SERINC5: variants seen among roughly 807,000 people sequenced by gnomAD.
The protein encoded by SERINC5 is chromosome 5 open reading frame 12.
In SERINC5, 41 loss-of-function variants were observed where a neutral mutation model predicts 63.1. The observed-to-expected ratio is 0.65, with a 90% CI of 0.51 to 0.84. The LOEUF (loss-of-function observed/expected upper bound fraction) is 0.84. Among genes scored for constraint, SERINC5 ranks in the 40% least tolerant of loss-of-function variants. The pLI, the probability that SERINC5 is intolerant of heterozygous loss-of-function variation, is 0.00. For synonymous variants in SERINC5, 222 were observed against 215.2 expected, an observed-to-expected ratio of 1.03 and a Z score of -0.28; for missense variants, 523 against 573.0, an observed-to-expected ratio of 0.91 and a Z score of 0.89.
At chr5:80,200,059 G>A (rs1009483426) in intron 2 of SERINC5, among the ~76,000 whole-genome samples, 7 of 152,232 alleles carry the variant, frequency 4.6e-5, no homozygotes, top group Non-Finnish European at 1.0e-4. Flanking sequence ...TCAGAAGGCT[G>A]AGGCAGGAGG....
intron 6 of SERINC5, among the ~76,000 whole-genome samples, chr5:80,168,074 C>T (rs540496851): frequency 1.2e-3 from 189 of 152,212 alleles, no homozygotes; most frequent in African/African-American, 4.3e-3. Flanking sequence ...AGATTTTAAT[C>T]GGAATATCAA....
rs892280203 is a variant in SERINC5 at position 80,256,041 on chromosome 5, C to T, written c.-119G>A. On this transcript the variant is annotated 5_prime_UTR_variant, in exon 1 of 12. Coordinates refer to ENST00000507668, the MANE Select transcript of SERINC5 (RefSeq NM_001174072.3). ...AGCTCACACTTGAACGAAGATCAGC[C>T]TCGGCGAAGCGCCTAGGCGCCGAGG... 9.0e-7 allele frequency: 1 copy of T among 1,107,984 alleles called. No individual in the cohort carries two copies. Among genetic ancestry groups the T allele is most frequent in the Non-Finnish European group, 1.2e-6 (1 of 826,948 alleles). 68.6% of individuals were successfully genotyped at this position (1,107,984 alleles called of 1,614,324 possible). A position where few individuals can be genotyped will look rare whatever the true frequency, so the allele number is the denominator to read the frequency against.
chr5:80,165,254 A>G (rs1471885721), intron 7 of SERINC5, among the ~76,000 whole-genome samples: 2 of 152,166 alleles, frequency 1.3e-5, no homozygotes, highest in Admixed American at 1.3e-4. Flanking sequence ...CTCCACTTAC[A>G]TTACTTTCCA....
At chr5:80,147,217 G>C in intron 10 of SERINC5, 28 bp downstream of exon 10, 1 of 1,582,598 alleles carries the variant, frequency 6.3e-7, no homozygotes, top group Non-Finnish European at 8.6e-7. Flanking sequence ...TGCCACACAG[G>C]TGCAAAGAAT....
At chr5:80,255,386 T>C (rs1418054695) in intron 1 of SERINC5, among the ~76,000 whole-genome samples, 2 of 151,972 alleles carry the variant, frequency 1.3e-5, no homozygotes, top group Admixed American at 6.6e-5. Flanking sequence ...AAGTCAGGCT[T>C]CGAGACATTC....
At chr5:80,169,041 A>G (rs1747480251) in intron 6 of SERINC5, among the ~76,000 whole-genome samples, 1 of 152,224 alleles carries the variant, frequency 6.6e-6, no homozygotes, top group Non-Finnish European at 1.5e-5. Flanking sequence ...CACGGAAGGC[A>G]TTTCCCATTT....
intron 2 of SERINC5, among the ~76,000 whole-genome samples, chr5:80,186,131 A>G (rs1314201092): frequency 4.0e-5 from 4 of 100,606 alleles, no homozygotes; most frequent in East Asian, 7.8e-4. Flanking sequence ...GTTTTGAAAA[A>G]AAAAAAAAAA....
intron 1 of SERINC5, among the ~76,000 whole-genome samples, chr5:80,249,290 G>A (rs1752295970): frequency 6.7e-6 from 1 of 149,590 alleles, no homozygotes; most frequent in Non-Finnish European, 1.5e-5. Flanking sequence ...ACTCCAGCCT[G>A]GGCAACACAG....
chr5:80,161,448 G>A (rs746658133), intron 7 of SERINC5, among the ~76,000 whole-genome samples: 10 of 152,012 alleles, frequency 6.6e-5, no homozygotes, highest in Non-Finnish European at 1.3e-4. Context: ...CTGATGATTA[G>A]CAATGTTGAG....
At chr5:80,163,397 AC>A in intron 7 of SERINC5, among the ~76,000 whole-genome samples, 1 of 152,106 alleles carries the variant, frequency 6.6e-6, no homozygotes, top group African/African-American at 2.4e-5. Flanking sequence ...GAAGGCAGGC[AC>A]CCTTATCTTG....
intron 11 of SERINC5, chr5:80,113,755 A>G (rs185788372): frequency 6.4e-6 from 1 of 155,658 alleles, no homozygotes; most frequent in African/African-American, 2.5e-5. Context: ...CCATGATTCA[A>G]TTACCTCACC....
At chr5:80,196,872 G>A (rs569256265) in intron 2 of SERINC5, among the ~76,000 whole-genome samples, 12 of 150,186 alleles carry the variant, frequency 8.0e-5, no homozygotes, top group Admixed American at 4.0e-4. Context: ...CCTGGGAGGC[G>A]GGGGTTGCTG....
intron 1 of SERINC5, among the ~76,000 whole-genome samples, chr5:80,244,725 G>C (rs1580216931): frequency 6.6e-6 from 1 of 152,102 alleles, no homozygotes; most frequent in Non-Finnish European, 1.5e-5. Context: ...GGGAGGCTGA[G>C]GCAGGAGAAA....
chr5:80,132,977 T>C (rs1745006375), intron 11 of SERINC5, among the ~76,000 whole-genome samples: 1 of 152,168 alleles, frequency 6.6e-6, no homozygotes, highest in Non-Finnish European at 1.5e-5. Context: ...CATGTTGAAA[T>C]GTAATCCTCA....
chr5:80,214,016 G>A (rs1196469102), intron 1 of SERINC5, among the ~76,000 whole-genome samples: 1 of 152,146 alleles, frequency 6.6e-6, no homozygotes, highest in African/African-American at 2.4e-5. Context: ...TGTGGTTTAA[G>A]AGAAGAAACC....
intron 11 of SERINC5, among the ~76,000 whole-genome samples, chr5:80,125,915 T>C (rs4703800): frequency 0.28 from 43,087 of 152,048 alleles, 6,545 homozygotes; most frequent in Admixed American, 0.36. Context: ...TCTATTGCCA[T>C]CTATTCATGA....
chr5:80,112,512 G>T (rs1407046026), intron 12 of SERINC5, among the ~76,000 whole-genome samples: 1 of 152,046 alleles, frequency 6.6e-6, no homozygotes, highest in African/African-American at 2.4e-5. Flanking sequence ...GCTGGTGCAG[G>T]TCCTCCGTAT....
chr5:80,177,330 C>T lies in SERINC5; in HGVS notation c.442G>A (p.Asp148Asn). 1 of 1,612,772 alleles carries T rather than the reference C, an allele frequency of 6.2e-7. No individual in the cohort carries two copies. The highest frequency in any genetic ancestry group is 1.7e-4 in the Middle Eastern group (1 of 6,058). The change falls in exon 4 of 12, where the codon GAC becomes AAC. Residue 148 changes from aspartate to asparagine, a missense_variant. Coordinates refer to ENST00000507668, the MANE Select transcript of SERINC5 (RefSeq NM_001174072.3). ...CSGAFFIPDQ[D>N]TFLNAWRYVG... ...CCATTAGTACCGTTCAGAAAGGTGTCCTGATCTGGAATGAAGAAAGCTCCT... is the reference window on the plus strand; with the variant it reads ...CCATTAGTACCGTTCAGAAAGGTGTTCTGATCTGGAATGAAGAAAGCTCCT...
rs532148232 is a variant in SERINC5, at chr5:80,226,308, G to A, written c.28-23255C>T. On this transcript the variant is annotated intron_variant, in intron 1 of 11. Coordinates refer to ENST00000507668, the MANE Select transcript of SERINC5 (RefSeq NM_001174072.3). ...TCCGGCCAAAAATAACCCTTTGATA[G>A]AAGTATCACAATCTCCATTTGACAG... Among the ~76,000 whole-genome samples the A allele has an allele frequency of 2.0e-5, 3 of 152,274 alleles. No individual in the cohort carries two copies. In the South Asian group the frequency reaches 6.2e-4, roughly 32 times the overall value.
Sources: allele counts gnomAD v4.1 joint callset (sites outside exome capture counted in the v4.1 genomes callset), GRCh38; gene constraint gnomAD v4.1.1; transcripts MANE v1.5; gene names NCBI Gene and HGNC (gene_info 2026-07-23, HGNC 2026-07-21).